Variants in GATAD2B observed in about 807,000 individuals in gnomAD.
GATAD2B encodes the protein GATA zinc finger domain containing 2B, also known as transcriptional repressor p66-beta.
GATAD2B carries 8 observed loss-of-function variants against 64.3 expected under a neutral mutation model. The observed-to-expected ratio is 0.12, with a 90% confidence interval of 0.07 to 0.22. GATAD2B has a LOEUF of 0.22. GATAD2B is among the 10% of genes least tolerant of loss of function. The probability of loss-of-function intolerance (pLI) is 1.00; values close to 1 mark genes in which losing one functional copy is unlikely to be tolerated. For synonymous variants in GATAD2B, 281 were observed against 271.3 expected (o/e 1.04, Z -0.35); for missense variants, 453 against 752.0 (o/e 0.60, Z 4.65).
Position 153,815,280 on chromosome 1 carries a change from C to CAAAAAAAA in GATAD2B, c.1216+985_1216+992dup, listed in dbSNP as rs1159204191. 8.8e-3 allele frequency among the ~76,000 whole-genome samples: 583 copies of CAAAAAAAA among 66,556 alleles called. 28 individuals are homozygous for CAAAAAAAA. The highest frequency in any genetic ancestry group is 0.011 in the Non-Finnish European group (401 of 37,014). The allele number at this position is 66,556 out of a possible 152,430, so 43.7% of individuals were successfully genotyped here. A position where few individuals can be genotyped will look rare whatever the true frequency, so the allele number is the denominator to read the frequency against. On this transcript the variant is annotated intron_variant, in intron 7 of 10. Transcript: ENST00000368655. ...AGGGTCAGACCCTGTCTCAAAAAAA[C>CAAAAAAAA]AAAAAAAAAAAACAAAAAAAAAAAA...
intron 1 of GATAD2B, among the ~76,000 whole-genome samples, chr1:153,908,781 GGA>G (rs1491521670): frequency 0.14 from 4,138 of 29,140 alleles, 252 homozygotes; most frequent in African/African-American, 0.23. Context: ...AAACATACTT[GGA>G]AAAAAAAAAA....
chr1:153,907,477 G>A (rs1677983867), intron 1 of GATAD2B, among the ~76,000 whole-genome samples: 1 of 152,166 alleles, frequency 6.6e-6, no homozygotes, highest in Non-Finnish European at 1.5e-5. Context: ...GTAGAATGGT[G>A]ACTGCCAGGA....
chr1:153,892,287 G>A (rs1677438093), intron 1 of GATAD2B, among the ~76,000 whole-genome samples: 5 of 151,692 alleles, frequency 3.3e-5, no homozygotes, highest in Admixed American at 2.0e-4. Context: ...GACTATTATA[G>A]TATATAGAAC....
chr1:153,826,953 A>C (rs75859149), intron 2 of GATAD2B, among the ~76,000 whole-genome samples: 3 of 151,174 alleles, frequency 2.0e-5, no homozygotes, highest in Non-Finnish European at 4.4e-5. Flanking sequence ...AAAAAAAAAA[A>C]AAAAAAAAAC....
intron 1 of GATAD2B, among the ~76,000 whole-genome samples, chr1:153,865,163 T>C (rs1676432606): frequency 6.7e-6 from 1 of 149,178 alleles, no homozygotes; most frequent in Non-Finnish European, 1.5e-5. Context: ...ATGATTAAAA[T>C]CTACGTCTAA....
chr1:153,829,747 G>A (rs1570939300), intron 1 of GATAD2B, among the ~76,000 whole-genome samples: 1 of 150,778 alleles, frequency 6.6e-6, no homozygotes, highest in Non-Finnish European at 1.5e-5. Context: ...AAGAATCAAC[G>A]AATGAATGAA....
intron 1 of GATAD2B, among the ~76,000 whole-genome samples, chr1:153,864,963 G>A (rs1290385320): frequency 6.6e-6 from 1 of 152,024 alleles, no homozygotes; most frequent in Non-Finnish European, 1.5e-5. Context: ...CCAGCTATTT[G>A]GGAGGCTGTG....
intron 1 of GATAD2B, among the ~76,000 whole-genome samples, chr1:153,863,651 G>A (rs1274801643): frequency 6.6e-6 from 1 of 151,118 alleles, no homozygotes; most frequent in Non-Finnish European, 1.5e-5. Context: ...CCAAGACAGA[G>A]TCTCGCTCTG....
chr1:153,871,070 G>GT (rs944792664), intron 1 of GATAD2B, among the ~76,000 whole-genome samples: 1 of 148,702 alleles, frequency 6.7e-6, no homozygotes, highest in African/African-American at 2.5e-5. Context: ...GGTGTTTTTT[G>GT]TTTTTTGTTT....
At chr1:153,909,512 A>T (rs1678052087) in intron 1 of GATAD2B, among the ~76,000 whole-genome samples, 1 of 151,700 alleles carries the variant, frequency 6.6e-6, no homozygotes, top group Non-Finnish European at 1.5e-5. Flanking sequence ...ATTAAAAATA[A>T]TTTTTAAGGC....
Position 153,835,456 on chromosome 1 carries a change from C to CTCATGCCTG in GATAD2B, c.-1-7117_-1-7109dup, listed in dbSNP as rs760650249. 1.4e-4 allele frequency among the ~76,000 whole-genome samples: 21 copies of CTCATGCCTG among 151,514 alleles called. No individual in the cohort carries two copies. In the East Asian group the frequency reaches 1.9e-3, roughly 14 times the overall value. Reference sequence around the variant, plus strand: ...CTGCCAGGTTGGGCAGGCGCAGTGGCTCATGCCTGTAATCTCAAAAAAAAA... The same window carrying CTCATGCCTG: ...CTGCCAGGTTGGGCAGGCGCAGTGGCTCATGCCTGTCATGCCTGTAATCTCAAAAAAAAA... On this transcript the variant is annotated intron_variant, in intron 1 of 10. Coordinates refer to ENST00000368655, the MANE Select transcript of GATAD2B (RefSeq NM_020699.4).
chr1:153,856,922 G>C (rs1209420060), intron 1 of GATAD2B, among the ~76,000 whole-genome samples: 1 of 152,036 alleles, frequency 6.6e-6, no homozygotes, highest in Admixed American at 6.6e-5. Context: ...TTGTTGGCTT[G>C]TAAGGGATTA....
At position 153,852,294 on chromosome 1, in the gene GATAD2B, G is replaced by T. The variant is rs187537662; in HGVS notation, c.-1-23946C>A. The stretch of plus-strand genomic sequence containing the variant: ...CATTTTCTGCAGCTGCCCCTTGCTA[G>T]AAGTGGAGGCTGTCAGACACTTCCT... On this transcript the variant is annotated intron_variant, in intron 1 of 10. Transcript: ENST00000368655. The T allele has an allele frequency of 3.3e-5, 37 of 1,116,104 alleles. No individual in the cohort carries two copies. The East Asian group carries it at 8.3e-4, about 25-fold the overall frequency. The allele number at this position is 1,116,104 out of a possible 1,614,324, so 69.1% of individuals were successfully genotyped here.
At chr1:153,841,401 G>A (rs865850357) in intron 1 of GATAD2B, among the ~76,000 whole-genome samples, 4 of 152,028 alleles carry the variant, frequency 2.6e-5, no homozygotes, top group Admixed American at 2.0e-4. Flanking sequence ...TCACCTCAAG[G>A]AGCCCTCGTG....
chr1:153,908,722 C>T (rs1426271602), intron 1 of GATAD2B, among the ~76,000 whole-genome samples: 3 of 150,758 alleles, frequency 2.0e-5, no homozygotes, highest in Non-Finnish European at 3.0e-5. Context: ...CCCGCCTGGC[C>T]CTCCCAAAGT....
chr1:153,905,937 T>C (rs894473690), intron 1 of GATAD2B, among the ~76,000 whole-genome samples: 2 of 149,930 alleles, frequency 1.3e-5, no homozygotes, highest in African/African-American at 2.5e-5. Context: ...TGTGGTGGCA[T>C]ACATCTGTAA....
chr1:153,851,943 C>T (rs1208361416), intron 1 of GATAD2B, among the ~76,000 whole-genome samples: 1 of 152,198 alleles, frequency 6.6e-6, no homozygotes, highest in Non-Finnish European at 1.5e-5. Flanking sequence ...AAGCCAGAAA[C>T]TTTAAAGCTC....
chr1:153,898,507 C>T (rs983351234), intron 1 of GATAD2B, among the ~76,000 whole-genome samples: 3 of 151,958 alleles, frequency 2.0e-5, no homozygotes, highest in African/African-American at 2.4e-5. Context: ...GGGAAGATTG[C>T]TTGAGACCAG....
At chr1:153,838,702 A>G (rs192951564) in intron 1 of GATAD2B, among the ~76,000 whole-genome samples, 102 of 152,268 alleles carry the variant, frequency 6.7e-4, no homozygotes, top group African/African-American at 1.9e-3. Context: ...AATAGAATTG[A>G]TAGGAGTTGG....
Sources: allele counts gnomAD v4.1 joint callset (sites outside exome capture counted in the v4.1 genomes callset), GRCh38; gene constraint gnomAD v4.1.1; transcripts MANE v1.5; gene names NCBI Gene and HGNC (gene_info 2026-07-23, HGNC 2026-07-21).